The following CHST3 variants were observed in gnomAD, a reference collection of about 807,000 sequenced individuals.
CHST3 encodes the protein C6ST-1.
In CHST3, 20 loss-of-function variants were observed where a neutral mutation model predicts 35.4. The observed-to-expected ratio is 0.57, with a 90% CI of 0.40 to 0.82. The LOEUF (loss-of-function observed/expected upper bound fraction) is 0.82. Among genes scored for constraint, CHST3 ranks in the 40% least tolerant of loss-of-function variants. The pLI, the probability that CHST3 is intolerant of heterozygous loss-of-function variation, is 0.00. For missense variants in CHST3, 693 were observed against 670.1 expected (o/e 1.03, Z -0.38); for synonymous variants, 334 against 295.9 (o/e 1.13, Z -1.32).
Position 72,007,665 on chromosome 10 carries a change from G to T in CHST3, c.634G>T (p.Glu212Ter), listed in dbSNP as rs371650865. 3 of 1,609,046 alleles carry T rather than the reference G, an allele frequency of 1.9e-6. No homozygotes were observed. Among genetic ancestry groups the T allele is most frequent in the Non-Finnish European group, 2.5e-6 (3 of 1,179,474 alleles). The stretch of plus-strand genomic sequence containing the variant: ...GGAGCACTTCATCACGCCGCTGCCC[G>T]AGGACCACCTGACTCAGTTCATGTT... ...VLEHFITPLP[E>*]DHLTQFMFRR... Residue 212 changes from glutamate (E) to a stop codon, truncating the protein, a stop_gained, in exon 3 of 3, where the codon GAG (glutamate) becomes TAG (stop). Coordinates refer to ENST00000373115, the MANE Select transcript of CHST3 (RefSeq NM_004273.5). LOFTEE classifies it high-confidence loss of function.
rs1011693712 is a variant in CHST3, at chr10:72,008,739, A to C, written c.*268A>C. Reference sequence around the variant, plus strand: ...CCTAGGCAGGCCCGGGCCTGTTGGCAAGCTTCGATCTCACACACACAGAAA... The same window carrying C: ...CCTAGGCAGGCCCGGGCCTGTTGGCCAGCTTCGATCTCACACACACAGAAA... On this transcript the variant is annotated 3_prime_UTR_variant, in exon 3 of 3. Transcript: ENST00000373115. 6.4e-6 allele frequency: 3 copies of C among 466,484 alleles called. No individual in the cohort carries two copies. The highest frequency in any genetic ancestry group is 3.5e-5 in the East Asian group (1 of 28,218). 28.9% of individuals were successfully genotyped at this position (466,484 alleles called of 1,614,324 possible). A position where few individuals can be genotyped will look rare whatever the true frequency, so the allele number is the denominator to read the frequency against.
intron 1 of CHST3, among the ~76,000 whole-genome samples, chr10:72,002,560 T>C (rs566493874): frequency 6.6e-6 from 1 of 152,202 alleles, no homozygotes; most frequent in Non-Finnish European, 1.5e-5. Context: ...TTGTCACTTA[T>C]ACAAGGTTGC....
intron 1 of CHST3, among the ~76,000 whole-genome samples, chr10:71,996,307 A>G (rs899443844): frequency 6.6e-6 from 1 of 152,228 alleles, no homozygotes; most frequent in Admixed American, 6.5e-5. Context: ...CTCAAAGACA[A>G]TAAGCAAAAG....
Position 72,008,262 on chromosome 10 carries a change from G to T in CHST3, c.1231G>T (p.Gly411Cys). 6.3e-7 allele frequency: 1 copy of T among 1,581,116 alleles called. No individual in the cohort carries two copies. The highest frequency in any genetic ancestry group is 1.2e-5 in the South Asian group (1 of 86,340). ...AAAGAACACGCAGGCGGCCCACGAC[G>T]GCAGCGGCATCTACTCCACGCAGAA... Reference protein sequence around the residue: ...IQKNTQAAHDGSGIYSTQKNS... With the variant: ...IQKNTQAAHDCSGIYSTQKNS... The change falls in exon 3 of 3, where the codon GGC becomes TGC. Residue 411 changes from glycine to cysteine, a missense_variant. Transcript: ENST00000373115.
intron 1 of CHST3, among the ~76,000 whole-genome samples, chr10:71,991,607 CA>C (rs1261598979): frequency 6.6e-6 from 1 of 152,132 alleles, no homozygotes; most frequent in Admixed American, 6.6e-5. Flanking sequence ...GCAAATCACA[CA>C]AATTTTTTTG....
intron 1 of CHST3, among the ~76,000 whole-genome samples, chr10:71,965,556 A>T (rs1839624572): frequency 1.3e-5 from 2 of 152,272 alleles, no homozygotes; most frequent in East Asian, 3.9e-4. Context: ...GGAGAAACCA[A>T]GGCAGGCCTG....
At chr10:71,986,760 C>A (rs928991369) in intron 1 of CHST3, among the ~76,000 whole-genome samples, 1 of 152,222 alleles carries the variant, frequency 6.6e-6, no homozygotes, top group Admixed American at 6.5e-5. Context: ...CAGCCAGTGT[C>A]CCTCCCCTGC....
At chr10:71,995,579 CTCTT>C (rs1839931657) in intron 1 of CHST3, among the ~76,000 whole-genome samples, 2 of 152,186 alleles carry the variant, frequency 1.3e-5, no homozygotes, top group Admixed American at 1.3e-4. Flanking sequence ...AAAAGCGTGA[CTCTT>C]TCTTTCACTT....
At chr10:71,975,717 A>G (rs1421874294) in intron 1 of CHST3, among the ~76,000 whole-genome samples, 1 of 152,252 alleles carries the variant, frequency 6.6e-6, no homozygotes, top group East Asian at 1.9e-4. Flanking sequence ...GCCCAGTGCC[A>G]GCTTCCTTGG....
intron 1 of CHST3, among the ~76,000 whole-genome samples, chr10:71,970,263 C>A (rs1000715890): frequency 6.6e-6 from 1 of 152,194 alleles, no homozygotes; most frequent in African/African-American, 2.4e-5. Context: ...CCCCCCACCA[C>A]CTCCTCACAA....
At position 72,005,745 on chromosome 10, in the gene CHST3, G is replaced by A. The variant is rs539958310; in HGVS notation, c.-98G>A. On this transcript the variant is annotated 5_prime_UTR_variant, in exon 2 of 3. Coordinates refer to ENST00000373115, the MANE Select transcript of CHST3 (RefSeq NM_004273.5). ...ACCTGTCTCTCCGCAGGACAAGGGTGTCCCCCACCTGAAGACGGCAAGCTG... is the reference window on the plus strand; with the variant it reads ...ACCTGTCTCTCCGCAGGACAAGGGTATCCCCCACCTGAAGACGGCAAGCTG... 4.1e-5 allele frequency: 61 copies of A among 1,484,710 alleles called. No individual in the cohort carries two copies. Among genetic ancestry groups the A allele is most frequent in the African/African-American group, 1.7e-4 (12 of 72,578 alleles). The allele number at this position is 1,484,710 out of a possible 1,614,324, so 92.0% of individuals were successfully genotyped here. A position where few individuals can be genotyped will look rare whatever the true frequency, so the allele number is the denominator to read the frequency against.
chr10:71,985,444 C>T (rs1839839136), intron 1 of CHST3, among the ~76,000 whole-genome samples: 1 of 152,182 alleles, frequency 6.6e-6, no homozygotes, highest in Non-Finnish European at 1.5e-5. Flanking sequence ...CTCAGAAAGT[C>T]CCCACGCTTA....
chr10:71,971,747 C>T (rs115472698), intron 1 of CHST3, among the ~76,000 whole-genome samples: 3,159 of 152,286 alleles, frequency 0.021, 127 homozygotes, highest in African/African-American at 0.072. Context: ...AGGGCAGGGC[C>T]GCAGGTGCCT....
At chr10:71,997,682 A>ATT (rs35366073) in intron 1 of CHST3, among the ~76,000 whole-genome samples, 4,712 of 135,348 alleles carry the variant, frequency 0.035, 287 homozygotes, top group African/African-American at 0.11. Flanking sequence ...GTCTCCATAA[A>ATT]TTTTTTTTTT....
chr10:71,977,257 A>G (rs12263208), intron 1 of CHST3, among the ~76,000 whole-genome samples: 1,639 of 152,278 alleles, frequency 0.011, 24 homozygotes, highest in African/African-American at 0.028. Flanking sequence ...CTGCCCGCTC[A>G]GCTTCCAAGC....
chr10:71,980,988 C>T (rs2131745556), intron 1 of CHST3, among the ~76,000 whole-genome samples: 1 of 152,338 alleles, frequency 6.6e-6, no homozygotes, highest in South Asian at 2.1e-4. Context: ...TCTCAAATCC[C>T]AGACCTGCAG....
In CHST3 at chr10:72,007,785, TG is replaced by T; in HGVS notation, c.755del (p.Cys252SerfsTer6). ...GAAGTACCACTGCAAGAACCGCCGCTGCGGCCCCCTCAACGTGACGCTGGCC... is the reference window on the plus strand; with the variant it reads ...GAAGTACCACTGCAAGAACCGCCGCTCGGCCCCCTCAACGTGACGCTGGCC... Reference protein sequence around the residue: ...FEKYHCKNRRCGPLNVTLAAE... With the variant: ...FEKYHCKNRRXGPLNVTLAAE... On this transcript the variant is annotated frameshift_variant, in exon 3 of 3. Coordinates refer to ENST00000373115, the MANE Select transcript of CHST3 (RefSeq NM_004273.5). LOFTEE classifies it high-confidence loss of function. The T allele has an allele frequency of 6.2e-7, 1 of 1,601,390 alleles. No homozygotes were observed. Among genetic ancestry groups the T allele is most frequent in the Non-Finnish European group, 8.5e-7 (1 of 1,179,670 alleles).
At chr10:71,978,490 G>C (rs963544483) in intron 1 of CHST3, among the ~76,000 whole-genome samples, 19 of 151,922 alleles carry the variant, frequency 1.3e-4, no homozygotes, top group Admixed American at 1.0e-3. Context: ...TCAACAATCC[G>C]CTCCCTTCCT....
At chr10:71,972,217 G>A (rs1217217890) in intron 1 of CHST3, among the ~76,000 whole-genome samples, 2 of 152,250 alleles carry the variant, frequency 1.3e-5, no homozygotes, top group Non-Finnish European at 2.9e-5. Flanking sequence ...GGGCAAAGCC[G>A]GGCCTGAGCC....
Sources: allele counts gnomAD v4.1 joint callset (sites outside exome capture counted in the v4.1 genomes callset), GRCh38; gene constraint gnomAD v4.1.1; transcripts MANE v1.5; gene names NCBI Gene and HGNC (gene_info 2026-07-23, HGNC 2026-07-21).